The following DIP2B variants were observed in gnomAD, a reference collection of about 807,000 sequenced individuals.
The protein encoded by DIP2B is DIP2 acetate--CoA ligase B (putative).
Under a neutral mutation model 198.0 loss-of-function variants are expected in DIP2B, and 76 were observed. The observed-to-expected ratio is 0.38, with a 90% CI of 0.32 to 0.46. The LOEUF is 0.46. DIP2B is among the 20% of genes least tolerant of loss of function. The pLI, the probability that DIP2B is intolerant of heterozygous loss-of-function variation, is 0.99. For synonymous variants in DIP2B, 701 were observed against 739.1 expected (o/e 0.95, Z 0.84); for missense variants, 1,559 against 1,978.4 (o/e 0.79, Z 4.02).
chr12:50,659,051 C>A (rs138388975), intron 3 of DIP2B, among the ~76,000 whole-genome samples: 9,436 of 152,158 alleles, frequency 0.062, 657 homozygotes, highest in East Asian at 0.32. Context: ...TGCGCCACTG[C>A]ACTCCAGCCT....
At chr12:50,519,251 T>C (rs1958094033) in intron 1 of DIP2B, among the ~76,000 whole-genome samples, 1 of 152,110 alleles carries the variant, frequency 6.6e-6, no homozygotes, top group Non-Finnish European at 1.5e-5. Flanking sequence ...AGATGTGACT[T>C]TTATTTCTTT....
chr12:50,717,785 G>A (rs1370352040), intron 23 of DIP2B, among the ~76,000 whole-genome samples: 2 of 150,486 alleles, frequency 1.3e-5, no homozygotes, highest in Non-Finnish European at 3.0e-5. Context: ...ACAGGGTTTT[G>A]CCATGTTGCC....
chr12:50,695,347 A>T lies in DIP2B; in HGVS notation c.1800A>T (p.Val600=). The change falls in exon 15 of 38, where the codon GTA becomes GTT. Residue 600 remains valine, a synonymous_variant. Coordinates refer to ENST00000301180, the MANE Select transcript of DIP2B (RefSeq NM_173602.3). ...KTCPLSWVQR[V]HAHKAKVALV... ...GTCCTCTCTCTTGGGTCCAAAGAGT[A>T]CATGCTCACAAAGGTAGTCACCTGC... 6.2e-7 allele frequency: 1 copy of T among 1,613,698 alleles called. No homozygotes were observed. The highest frequency in any genetic ancestry group is 8.5e-7 in the Non-Finnish European group (1 of 1,179,620).
intron 1 of DIP2B, among the ~76,000 whole-genome samples, chr12:50,515,561 C>T (rs1241640834): frequency 6.6e-6 from 1 of 152,142 alleles, no homozygotes; most frequent in Non-Finnish European, 1.5e-5. Context: ...ATGAAACTCT[C>T]CCCTTCCTAA....
intron 1 of DIP2B, among the ~76,000 whole-genome samples, chr12:50,536,407 G>T (rs1958267785): frequency 6.6e-6 from 1 of 152,090 alleles, no homozygotes; most frequent in Admixed American, 6.5e-5. Context: ...AGTGAGCTAT[G>T]ATCATGCCAC....
chr12:50,516,178 C>T (rs1394641016), intron 1 of DIP2B, among the ~76,000 whole-genome samples: 1 of 151,794 alleles, frequency 6.6e-6, no homozygotes, highest in Non-Finnish European at 1.5e-5. Context: ...CATGAGCACT[C>T]CTCTTTCATG....
At chr12:50,509,122 CT>C (rs1288134400) in intron 1 of DIP2B, among the ~76,000 whole-genome samples, 1 of 97,898 alleles carries the variant, frequency 1.0e-5, no homozygotes, top group East Asian at 2.4e-4. Context: ...GCAGGATACC[CT>C]GGTAGCTTTT....
At chr12:50,637,613 A>G (rs1938182863) in intron 2 of DIP2B, among the ~76,000 whole-genome samples, 1 of 152,190 alleles carries the variant, frequency 6.6e-6, no homozygotes, top group Admixed American at 6.5e-5. Context: ...GGTCAAAGGT[A>G]TACATATGGT....
At chr12:50,615,678 A>G (rs1291665703) in intron 1 of DIP2B, among the ~76,000 whole-genome samples, 1 of 152,186 alleles carries the variant, frequency 6.6e-6, no homozygotes, top group Admixed American at 6.5e-5. Flanking sequence ...CAAGTTGAGT[A>G]TGTGCTGTGT....
chr12:50,637,919 A>G (rs377422458), intron 2 of DIP2B, among the ~76,000 whole-genome samples: 3 of 152,220 alleles, frequency 2.0e-5, no homozygotes, highest in Non-Finnish European at 4.4e-5. Flanking sequence ...AACAATAGAA[A>G]CATATTAGAC....
intron 26 of DIP2B, among the ~76,000 whole-genome samples, chr12:50,721,816 TACTC>T (rs1158839634): frequency 6.6e-6 from 1 of 152,228 alleles, no homozygotes; most frequent in African/African-American, 2.4e-5. Flanking sequence ...TGATTGATGT[TACTC>T]AGGAGGAATA....
chr12:50,536,027 C>T (rs2139368838), intron 1 of DIP2B, among the ~76,000 whole-genome samples: 1 of 151,776 alleles, frequency 6.6e-6, no homozygotes, highest in South Asian at 2.1e-4. Flanking sequence ...AGGACATGAA[C>T]TCATCATTTT....
At position 50,660,203 on chromosome 12, in the gene DIP2B, C is replaced by G; in HGVS notation, c.311C>G (p.Thr104Arg). The change falls in exon 4 of 38, where the codon ACA becomes AGA. Residue 104 changes from threonine (T) to arginine (R), a missense_variant. By Grantham distance (71) the Thr-to-Arg change is moderately conservative (BLOSUM62 -1). Coordinates refer to ENST00000301180, the MANE Select transcript of DIP2B (RefSeq NM_173602.3). ...ATGTTTGCTTTTTCAGATATCCACA[C>G]AGAAGCAGTTCAGGCTGCACTGGCA... Reference protein sequence around the residue: ...RDERYRSDIHTEAVQAALAKH... With the variant: ...RDERYRSDIHREAVQAALAKH... 6.2e-7 allele frequency: 1 copy of G among 1,607,746 alleles called. No individual in the cohort carries two copies. Among genetic ancestry groups the G allele is most frequent in the South Asian group, 1.1e-5 (1 of 89,398 alleles).
In DIP2B at chr12:50,685,873, G is replaced by T. The variant is rs1210718747; in HGVS notation, c.1358G>T (p.Cys453Phe). Residue 453 changes from cysteine (C) to phenylalanine (F), a missense_variant, in exon 11 of 38, where the codon TGT becomes TTT. By Grantham distance (205) the Cys-to-Phe change is radical (BLOSUM62 -2). Transcript: ENST00000301180. ...GQQIGFLLGSCGIALALTSEV... is the reference protein window; with the variant it reads ...GQQIGFLLGSFGIALALTSEV... ...CAGATTGGCTTCTTGCTAGGAAGCT[G>T]TGGTATTGCCTTAGCTCTTACCAGT... 1 of 1,613,934 alleles carries T rather than the reference G, an allele frequency of 6.2e-7. No individual in the cohort carries two copies. The highest frequency in any genetic ancestry group is 1.1e-5 in the South Asian group (1 of 91,064).
At position 50,695,962 on chromosome 12, in the gene DIP2B, A is replaced by T. The variant is rs1336367021; in HGVS notation, c.1928A>T (p.Asn643Ile). Reference sequence around the variant, plus strand: ...ATGTTAATTGTGACTGATGGAGCTAACCCCTGTGAGTATTTCTTCATTGTG... The same window carrying T: ...ATGTTAATTGTGACTGATGGAGCTATCCCCTGTGAGTATTTCTTCATTGTG... ...LRMLIVTDGA[N>I]PWSVSSCDAF... Residue 643 changes from asparagine (N) to isoleucine (I), a missense_variant, in exon 16 of 38, where the codon AAC becomes ATC. Transcript: ENST00000301180. 15 of 1,614,002 alleles carry T rather than the reference A, an allele frequency of 9.3e-6. No individual in the cohort carries two copies. Among genetic ancestry groups the T allele is most frequent in the Non-Finnish European group, 1.3e-5 (15 of 1,179,910 alleles).
At chr12:50,561,937 G>T (rs1458396504) in intron 1 of DIP2B, among the ~76,000 whole-genome samples, 1 of 152,086 alleles carries the variant, frequency 6.6e-6, no homozygotes, top group East Asian at 1.9e-4. Flanking sequence ...ATAAATATTG[G>T]TCTGCTTCTC....
intron 15 of DIP2B, 124 bp from the exon 16 acceptor site, chr12:50,695,724 C>A: frequency 7.4e-7 from 1 of 1,360,324 alleles, no homozygotes. Context: ...TCTTTGAAAC[C>A]GTTTTTATCT....
At chr12:50,699,023 T>C (rs759374612) in intron 18 of DIP2B, 43 bp from the exon 19 acceptor site, 24 of 1,598,698 alleles carry the variant, frequency 1.5e-5, no homozygotes, top group Non-Finnish European at 2.0e-5. Flanking sequence ...TACAAAAGTT[T>C]TCTAGAATCT....
At chr12:50,594,014 C>T (rs1339453008) in intron 1 of DIP2B, among the ~76,000 whole-genome samples, 1 of 147,372 alleles carries the variant, frequency 6.8e-6, no homozygotes, top group Non-Finnish European at 1.5e-5. Flanking sequence ...CATCTGGGTT[C>T]ACTGCAACCT....
Sources: gnomAD v4.1 joint callset for allele counts (sites outside exome capture counted in the v4.1 genomes callset) on GRCh38, gnomAD v4.1.1 for gene constraint, MANE v1.5 for transcripts, NCBI Gene and HGNC (gene_info 2026-07-23, HGNC 2026-07-21) for gene names.